Variants in ITPR2 observed in about 807,000 individuals in gnomAD.
ITPR2 encodes inositol 1,4,5-trisphosphate-gated calcium channel ITPR2.
In ITPR2, 207 loss-of-function variants were observed where a neutral mutation model predicts 317.1. The ratio of observed to expected loss-of-function variants is 0.65; its 90% CI spans 0.58 to 0.73. ITPR2 has a LOEUF of 0.73. Among genes scored for constraint, ITPR2 ranks in the 30% least tolerant of loss-of-function variants. The probability of loss-of-function intolerance (pLI) is 0.00; values close to 1 mark genes in which losing one functional copy is unlikely to be tolerated. For missense variants in ITPR2, 2,613 were observed against 3,284.0 expected, an observed-to-expected ratio of 0.80 and a Z score of 4.99; for synonymous variants, 1,156 against 1,149.1, an observed-to-expected ratio of 1.01 and a Z score of -0.12.
At chr12:26,760,658 C>A (rs1949615308) in intron 2 of ITPR2, among the ~76,000 whole-genome samples, 1 of 152,140 alleles carries the variant, frequency 6.6e-6, no homozygotes, top group African/African-American at 2.4e-5. Flanking sequence ...ATATATCATC[C>A]TTTGGAAAAC....
chr12:26,714,537 T>C (rs975625822), intron 8 of ITPR2, among the ~76,000 whole-genome samples: 5 of 152,148 alleles, frequency 3.3e-5, no homozygotes, highest in South Asian at 2.1e-4. Context: ...TAATTCTACC[T>C]ATTAGTATAT....
rs1470309819 is a variant in ITPR2, at chr12:26,483,739, T to G, written c.5971A>C (p.Ser1991Arg). The G allele has an allele frequency of 6.2e-7, 1 of 1,614,174 alleles. No individual in the cohort carries two copies. Among genetic ancestry groups the G allele is most frequent in the Admixed American group, 1.7e-5 (1 of 60,026 alleles). ...GGGCCCTGGCAATACTCAGTCAAGC[T>G]CTCCAGGTTCTGGTTGACCAGCGCT... is the stretch of plus-strand genomic sequence containing the variant. ...NVALVNQNLE[S>R]LTEYCQGPCH... Residue 1991 changes from serine to arginine, a missense_variant, in exon 42 of 57, where the codon AGC becomes CGC. Coordinates refer to ENST00000381340, the MANE Select transcript of ITPR2 (RefSeq NM_002223.4).
At position 26,595,448 on chromosome 12, in the gene ITPR2, G is replaced by T. The variant is rs1387788349; in HGVS notation, c.4380+17C>A. ...AAATATCTATTGACACCCTTCAGTAGTCAAAATCTAACTTACCCTTGCCAT... is the reference window on the plus strand; with the variant it reads ...AAATATCTATTGACACCCTTCAGTATTCAAAATCTAACTTACCCTTGCCAT... On this transcript the variant is annotated intron_variant, in intron 32 of 56. Transcript: ENST00000381340. 11 of 1,602,082 alleles carry T rather than the reference G, an allele frequency of 6.9e-6. No individual in the cohort carries two copies. The highest frequency in any genetic ancestry group is 9.3e-6 in the Non-Finnish European group (11 of 1,176,664).
At chr12:26,552,128 A>C (rs947429710) in intron 36 of ITPR2, among the ~76,000 whole-genome samples, 4 of 152,162 alleles carry the variant, frequency 2.6e-5, no homozygotes, top group African/African-American at 9.7e-5. Context: ...TGGAAGAGGA[A>C]GCAGGGCAGA....
At chr12:26,656,117 T>C (rs1947363345) in intron 19 of ITPR2, among the ~76,000 whole-genome samples, 180 bp downstream of exon 19, 1 of 152,206 alleles carries the variant, frequency 6.6e-6, no homozygotes, top group South Asian at 2.1e-4. Context: ...GTGCCTTTAT[T>C]ACCACTGAGA....
intron 26 of ITPR2, among the ~76,000 whole-genome samples, chr12:26,613,991 A>C (rs1409226656): frequency 6.6e-6 from 1 of 152,202 alleles, no homozygotes; most frequent in Non-Finnish European, 1.5e-5. Context: ...ACAAAGTTCC[A>C]AAGCATGTGG....
At chr12:26,489,598 T>A (rs997417903) in intron 39 of ITPR2, among the ~76,000 whole-genome samples, 8 of 152,314 alleles carry the variant, frequency 5.3e-5, no homozygotes, top group Admixed American at 2.6e-4. Flanking sequence ...AGTTAATACA[T>A]ACAAATCACA....
chr12:26,697,634 C>A (rs1004522174), intron 9 of ITPR2, among the ~76,000 whole-genome samples: 1 of 152,034 alleles, frequency 6.6e-6, no homozygotes, highest in Admixed American at 6.6e-5. Flanking sequence ...CATGGTAAGA[C>A]CCCGTCTCTA....
intron 45 of ITPR2, among the ~76,000 whole-genome samples, chr12:26,473,203 A>C (rs934895080): frequency 4.6e-5 from 7 of 152,160 alleles, no homozygotes; most frequent in Non-Finnish European, 1.0e-4. Flanking sequence ...CTCTACTTTT[A>C]TGCTTAGTCT....
intron 55 of ITPR2, among the ~76,000 whole-genome samples, chr12:26,344,451 A>C (rs114939428): frequency 1.3e-5 from 2 of 152,348 alleles, no homozygotes; most frequent in African/African-American, 4.8e-5. Context: ...AACAGATGCA[A>C]AACCTTGTTC....
intron 26 of ITPR2, among the ~76,000 whole-genome samples, chr12:26,605,657 GTAC>G (rs1203725835): frequency 6.6e-6 from 1 of 152,114 alleles, no homozygotes; most frequent in Non-Finnish European, 1.5e-5. Flanking sequence ...TAGGTAAAAT[GTAC>G]TACATTACAA....
intron 2 of ITPR2, among the ~76,000 whole-genome samples, chr12:26,761,313 T>C (rs1949628779): frequency 6.6e-6 from 1 of 152,212 alleles, no homozygotes; most frequent in Admixed American, 6.5e-5. Context: ...TTGCTGAAGT[T>C]AGTTAAGACT....
chr12:26,624,232 G>GT, intron 24 of ITPR2, 67 bp downstream of exon 24: 2 of 1,043,486 alleles, frequency 1.9e-6, no homozygotes, highest in Non-Finnish European at 3.0e-6. Flanking sequence ...CAATATCAAA[G>GT]TATCAATAGA....
rs540705654 is a variant in ITPR2, at chr12:26,384,612, T to C, written c.7857+2822A>G. On this transcript the variant is annotated intron_variant, in intron 55 of 56. Transcript: ENST00000381340. ...GTGCCTGGTAAAATGCTGCTTTTAA[T>C]GTTAAGGCCAGAGATGGGTCAACAT... 2.0e-5 allele frequency among the ~76,000 whole-genome samples: 3 copies of C among 152,330 alleles called. No homozygotes were observed. The East Asian group carries it at 5.8e-4, about 29-fold the overall frequency.
chr12:26,819,135 A>G (rs1950901908), intron 1 of ITPR2, among the ~76,000 whole-genome samples: 1 of 152,184 alleles, frequency 6.6e-6, no homozygotes, highest in Non-Finnish European at 1.5e-5. Flanking sequence ...TTATTTTTCA[A>G]GTTATTTTGT....
chr12:26,394,359 G>A (rs1939931581), intron 54 of ITPR2, among the ~76,000 whole-genome samples: 2 of 152,212 alleles, frequency 1.3e-5, no homozygotes, highest in South Asian at 4.1e-4. Context: ...AGCTAAGTGT[G>A]ATGTGAGGAA....
intron 23 of ITPR2, among the ~76,000 whole-genome samples, 184 bp from the exon 24 acceptor site, chr12:26,624,540 GA>G (rs1301219059): frequency 6.6e-6 from 1 of 152,082 alleles, no homozygotes; most frequent in Admixed American, 6.6e-5. Flanking sequence ...TTTCTTAAAA[GA>G]AAACATACAA....
chr12:26,596,641 T>A (rs1406597733), intron 31 of ITPR2, among the ~76,000 whole-genome samples: 1 of 126,276 alleles, frequency 7.9e-6, no homozygotes, highest in Non-Finnish European at 1.7e-5. Flanking sequence ...AGCAAAACTC[T>A]GTCTCAAAAA....
intron 10 of ITPR2, among the ~76,000 whole-genome samples, chr12:26,692,827 C>T (rs772337920): frequency 1.3e-5 from 2 of 151,886 alleles, no homozygotes; most frequent in Admixed American, 6.6e-5. Context: ...ACATAGACAA[C>T]GTCAGGAAAA....
Sources: gnomAD v4.1 joint callset for allele counts (sites outside exome capture counted in the v4.1 genomes callset) on GRCh38, gnomAD v4.1.1 for gene constraint, MANE v1.5 for transcripts, NCBI Gene and HGNC (gene_info 2026-07-23, HGNC 2026-07-21) for gene names.